The following NAV1 variants were observed in gnomAD, a reference collection of about 807,000 sequenced individuals.
NAV1 encodes pore membrane and/or filament interacting like protein 3.
A neutral mutation model predicts 175.2 loss-of-function variants in NAV1; 18 were observed. That is an observed-to-expected ratio of 0.10 (90% confidence interval 0.07 to 0.15). NAV1 has a LOEUF of 0.15. NAV1 is among the 10% of genes least tolerant of loss of function. The pLI, the probability that NAV1 is intolerant of heterozygous loss-of-function variation, is 1.00. For synonymous variants in NAV1, 897 were observed against 978.7 expected, an observed-to-expected ratio of 0.92 and a Z score of 1.56; for missense variants, 1,731 against 2,436.6, an observed-to-expected ratio of 0.71 and a Z score of 6.10.
Position 201,782,190 on chromosome 1 carries a change from A to G in NAV1, c.1678A>G (p.Lys560Glu), listed in dbSNP as rs778395481. 60 of 1,590,134 alleles carry G rather than the reference A, an allele frequency of 3.8e-5. No individual in the cohort carries two copies. The highest frequency in any genetic ancestry group is 5.1e-5 in the Non-Finnish European group (59 of 1,168,070). The change falls in exon 6 of 30, where the codon AAA (lysine) becomes GAA (glutamate). Residue 560 changes from lysine to glutamate, a missense_variant. Around this residue, in one of 13 missense-constraint regions of NAV1, gnomAD observed 634 missense variants for 766.8 expected, o/e 0.83. Transcript: ENST00000367296. This position sits in a 1 kb window ranked among gnomAD's most constrained non-coding sequence, Gnocchi z 5.4. ...TCCTCTTGCAGGCAAACCTGAGGGC[A>G]AAGCTACAGACAAGGGTAAGCTTGC... is the stretch of plus-strand genomic sequence containing the variant.
chr1:201,669,709 G>C (rs750817847), intron 1 of NAV1, among the ~76,000 whole-genome samples: 2 of 152,226 alleles, frequency 1.3e-5, no homozygotes, highest in African/African-American at 2.4e-5. Context: ...GAGCCATCCA[G>C]GTGACACCAC....
chr1:201,627,643 T>A (rs1336658604), intron 1 of NAV1, among the ~76,000 whole-genome samples: 1 of 151,870 alleles, frequency 6.6e-6, no homozygotes, highest in Non-Finnish European at 1.5e-5. Flanking sequence ...TGCTTAGCTC[T>A]TTACATATAT....
intron 1 of NAV1, among the ~76,000 whole-genome samples, chr1:201,624,628 G>A (rs1297158954): frequency 6.6e-6 from 1 of 151,876 alleles, no homozygotes; most frequent in African/African-American, 2.4e-5. Flanking sequence ...TTACAGGCGT[G>A]AGCCACCGCA....
chr1:201,753,120 G>C (rs184418970), intron 3 of NAV1, among the ~76,000 whole-genome samples: 2 of 152,238 alleles, frequency 1.3e-5, no homozygotes, highest in East Asian at 3.9e-4. Flanking sequence ...TTGGAAGGAA[G>C]CTTCCCAAAG....
intron 3 of NAV1, among the ~76,000 whole-genome samples, chr1:201,765,532 C>T (rs1374219532): frequency 6.6e-6 from 1 of 151,728 alleles, no homozygotes; most frequent in Non-Finnish European, 1.5e-5. Context: ...GTAGCTGGGA[C>T]GACAGGCGCG....
At chr1:201,660,205 G>A (rs1164464749) in intron 1 of NAV1, among the ~76,000 whole-genome samples, 2 of 152,188 alleles carry the variant, frequency 1.3e-5, no homozygotes, top group African/African-American at 4.8e-5. Flanking sequence ...TGGGGTGGGG[G>A]AGCAGGCAGG....
chr1:201,598,878 G>A (rs1667437013), intron 2 of NAV1, among the ~76,000 whole-genome samples: 1 of 152,170 alleles, frequency 6.6e-6, no homozygotes, highest in African/African-American at 2.4e-5. Flanking sequence ...GTTTTCTGTG[G>A]CTTACCCTGG....
At chr1:201,776,584 T>G (rs1675957943) in intron 3 of NAV1, among the ~76,000 whole-genome samples, 1 of 146,860 alleles carries the variant, frequency 6.8e-6, no homozygotes, top group Non-Finnish European at 1.5e-5. Context: ...GAGGTTGCAG[T>G]GAGCCCAGAT....
At chr1:201,635,031 T>A (rs2102303490) in intron 2 of NAV1, among the ~76,000 whole-genome samples, 1 of 152,180 alleles carries the variant, frequency 6.6e-6, no homozygotes, top group South Asian at 2.1e-4. Context: ...ATTTTTGTTT[T>A]GTTTTGTTTT....
At chr1:201,783,059 T>C (rs1676440100) in intron 6 of NAV1, among the ~76,000 whole-genome samples, 190 bp downstream of exon 10, 1 of 152,224 alleles carries the variant, frequency 6.6e-6, no homozygotes, top group African/African-American at 2.4e-5. Context: ...TCTGAAAGAC[T>C]GAATCCCTCT....
At chr1:201,584,768 C>T (rs1459393459) in intron 1 of NAV1, among the ~76,000 whole-genome samples, 1 of 152,228 alleles carries the variant, frequency 6.6e-6, no homozygotes, top group Non-Finnish European at 1.5e-5. Flanking sequence ...GGCCTGGATT[C>T]TGGCTCTTTC....
rs533692232 is a variant in NAV1 at position 201,767,392 on chromosome 1, A to T, written c.1227-13029A>T. 2.9e-3 allele frequency among the ~76,000 whole-genome samples: 400 copies of T among 136,978 alleles called. 1 individual carries two copies. The highest frequency in any genetic ancestry group is 4.4e-3 in the Non-Finnish European group (266 of 60,806). The allele number at this position is 136,978 out of a possible 152,430, so 89.9% of individuals were successfully genotyped here. On this transcript the variant is annotated intron_variant, in intron 3 of 29. Coordinates refer to ENST00000367296, the Ensembl canonical transcript of NAV1. Reference sequence around the variant, plus strand: ...TTTGAACCCAGGAGGTGGAGGTTGCAGTGAGCCGAGATTGCGCCATTGCAC... The same window carrying T: ...TTTGAACCCAGGAGGTGGAGGTTGCTGTGAGCCGAGATTGCGCCATTGCAC...
Position 201,661,576 on chromosome 1 carries a change from G to A in NAV1, c.757+12151G>A, listed in dbSNP as rs565445299. ...ATGCTGGCTCTGTCACTCACTAACT[G>A]TTGATCTTGAATAAGCCACTTAACT... On this transcript the variant is annotated intron_variant, in intron 1 of 29. Coordinates refer to ENST00000367296, the Ensembl canonical transcript of NAV1. Among the ~76,000 whole-genome samples, 20 of 152,270 alleles carry A rather than the reference G, an allele frequency of 1.3e-4. 1 individual carries two copies. Among genetic ancestry groups the A allele is most frequent in the African/African-American group, 3.9e-4 (16 of 41,542 alleles).
Position 201,785,280 on chromosome 1 carries a change from CTCTTTT to C in NAV1, c.2805-28_2805-23del. On this transcript the variant is annotated intron_variant, in intron 7 of 29. Transcript: ENST00000367296. ...TGGACCCACATGCTTCTCTCTCTCT[CTCTTTT>C]TTTTTTTTTTTTTATCTCCACAGTA... 1 of 1,438,854 alleles carries C rather than the reference CTCTTTT, an allele frequency of 6.9e-7. No homozygotes were observed. The highest frequency in any genetic ancestry group is 2.3e-5 in the Admixed American group (1 of 43,676). 89.1% of individuals were successfully genotyped at this position (1,438,854 alleles called of 1,614,324 possible).
chr1:201,712,703 T>C, intron 1 of NAV1, 114 bp from the exon 6 acceptor site: 1 of 732,198 alleles, frequency 1.4e-6, no homozygotes, highest in Non-Finnish European at 2.5e-6. Flanking sequence ...AAGGTGACTA[T>C]CATGGCCCAG....
intron 2 of NAV1, among the ~76,000 whole-genome samples, chr1:201,610,492 C>T (rs1041713151): frequency 1.6e-4 from 24 of 152,194 alleles, no homozygotes; most frequent in African/African-American, 5.3e-4. Context: ...GGAAGAACTT[C>T]CAGCCTAGGG....
In NAV1 at chr1:201,565,659, C is replaced by T. The variant is rs183423377; in HGVS notation, c.-143-22880C>T. Among the ~76,000 whole-genome samples, 27 of 152,334 alleles carry T rather than the reference C, an allele frequency of 1.8e-4. No individual in the cohort carries two copies. In the East Asian group the frequency reaches 2.5e-3, roughly 14 times the overall value. On this transcript the variant is annotated intron_variant, in intron 1 of 33. Transcript: ENST00000685211. ...AATTGCCTCCGTTGTGAGGCAGTAT[C>T]GCTATTTGCAAAGCGTTTTGCAATC...
At chr1:201,607,235 A>G (rs1205768640) in intron 2 of NAV1, among the ~76,000 whole-genome samples, 1 of 147,686 alleles carries the variant, frequency 6.8e-6, no homozygotes, top group African/African-American at 2.5e-5. Context: ...CCTGCCTTAG[A>G]CTTCCAAGCA....
chr1:201,566,901 A>G (rs569966652), intron 1 of NAV1, among the ~76,000 whole-genome samples: 2 of 151,920 alleles, frequency 1.3e-5, no homozygotes, highest in East Asian at 1.9e-4. Context: ...GTTTTTCTGT[A>G]TCGATCAAAT....
Sources: allele counts gnomAD v4.1 joint callset (sites outside exome capture counted in the v4.1 genomes callset), GRCh38; gene constraint gnomAD v4.1.1; regional missense constraint gnomAD v4.1.1; non-coding constraint Gnocchi (gnomAD v3.1); transcripts MANE v1.5; gene names NCBI Gene and HGNC (gene_info 2026-07-23, HGNC 2026-07-21).